Variants in UTP18 observed in about 807,000 individuals in gnomAD.
UTP18 encodes U3 small nucleolar RNA-associated protein 18 homolog.
Under a neutral mutation model 61.1 loss-of-function variants are expected in UTP18, and 36 were observed. The observed-to-expected ratio is 0.59, with a 90% CI of 0.45 to 0.78. The LOEUF (loss-of-function observed/expected upper bound fraction) is 0.78, where lower values mean the gene tolerates loss of function less well. Ranked by LOEUF, UTP18 falls within the 30% of genes least tolerant of loss-of-function variation. The pLI is 0.00. For synonymous variants in UTP18, 282 were observed against 251.1 expected, an observed-to-expected ratio of 1.12 and a Z score of -1.16; for missense variants, 753 against 693.9, an observed-to-expected ratio of 1.09 and a Z score of -0.96.
Position 51,293,966 on chromosome 17 carries a change from C to G in UTP18, c.1567C>G (p.His523Asp). 1 of 1,609,226 alleles carries G rather than the reference C, an allele frequency of 6.2e-7. No homozygotes were observed. The highest frequency in any genetic ancestry group is 8.5e-7 in the Non-Finnish European group (1 of 1,177,592). Residue 523 changes from histidine to aspartate, a missense_variant, in exon 12 of 14, where the codon CAT (histidine) becomes GAT (aspartate). Physicochemically the swap from His to Asp is moderately conservative, Grantham distance 81 (BLOSUM62 -1). Transcript: ENST00000225298. ...AGTCATTAAAAATAAGAATATTTCTCATGTTCATACCATGGATTTTTCTCC... is the reference window on the plus strand; with the variant it reads ...AGTCATTAAAAATAAGAATATTTCTGATGTTCATACCATGGATTTTTCTCC... ...FPVIKNKNIS[H>D]VHTMDFSPRS...
intron 11 of UTP18, 108 bp from the exon 12 acceptor site, chr17:51,293,795 A>G: frequency 1.0e-6 from 1 of 988,094 alleles, no homozygotes. Context: ...TGTGTGCTAC[A>G]ATCAAAATGA....
intron 13 of UTP18, among the ~76,000 whole-genome samples, chr17:51,297,270 T>G (rs1905391929): frequency 6.6e-6 from 1 of 152,188 alleles, no homozygotes; most frequent in Admixed American, 6.5e-5. Context: ...AAAATTGTAA[T>G]TACTGAACAT....
rs112147878 is a variant in UTP18, at chr17:51,278,023, A to T, written c.1012+719A>T. Among the ~76,000 whole-genome samples, 724 of 152,290 alleles carry T rather than the reference A, an allele frequency of 4.8e-3. 7 individuals carry two copies. Among genetic ancestry groups the T allele is most frequent in the African/African-American group, 0.016 (670 of 41,568 alleles). ...CTGTACATGCATGTGGCTGGAAAGGACAAGAGTAGCTCTGTACAACCATTT... is the reference window on the plus strand; with the variant it reads ...CTGTACATGCATGTGGCTGGAAAGGTCAAGAGTAGCTCTGTACAACCATTT... On this transcript the variant is annotated intron_variant, in intron 7 of 13. Transcript: ENST00000225298.
intron 11 of UTP18, among the ~76,000 whole-genome samples, chr17:51,289,997 G>A (rs1905204136): frequency 1.3e-5 from 2 of 152,196 alleles, no homozygotes; most frequent in Admixed American, 6.5e-5. Context: ...CCTAGATTCT[G>A]CACAGGGCTT....
At chr17:51,287,544 T>C (rs1905147975) in intron 10 of UTP18, among the ~76,000 whole-genome samples, 1 of 152,110 alleles carries the variant, frequency 6.6e-6, no homozygotes, top group African/African-American at 2.4e-5. Flanking sequence ...AGTGGAATTG[T>C]CATTGAAGGG....
intron 3 of UTP18, among the ~76,000 whole-genome samples, chr17:51,266,761 T>C (rs1322543032): frequency 6.6e-6 from 1 of 152,248 alleles, no homozygotes; most frequent in East Asian, 1.9e-4. Context: ...CACAATACCA[T>C]TGTCATACCT....
chr17:51,264,527 G>A (rs1012108290), intron 2 of UTP18, among the ~76,000 whole-genome samples: 16 of 151,876 alleles, frequency 1.1e-4, no homozygotes, highest in African/African-American at 3.6e-4. Context: ...CATGCTATGG[G>A]GCTCTACCAG....
At chr17:51,293,828 T>C in intron 11 of UTP18, 75 bp from the exon 12 acceptor site, 1 of 1,256,838 alleles carries the variant, frequency 8.0e-7, no homozygotes. Flanking sequence ...AGCAGGAAGA[T>C]AGAGTGAAGA....
chr17:51,285,551 T>G, intron 10 of UTP18, among the ~76,000 whole-genome samples, 183 bp downstream of exon 10: 1 of 151,728 alleles, frequency 6.6e-6, no homozygotes, highest in African/African-American at 2.4e-5. Context: ...AATAATAATA[T>G]TACAGTAGTT....
intron 2 of UTP18, among the ~76,000 whole-genome samples, chr17:51,263,739 A>AC (rs2055531720): frequency 1.3e-5 from 2 of 152,240 alleles, no homozygotes; most frequent in South Asian, 4.1e-4. Context: ...GATAGTAACT[A>AC]CATCAGAATT....
At chr17:51,282,048 A>G (rs755557323) in intron 9 of UTP18, among the ~76,000 whole-genome samples, 1 of 152,086 alleles carries the variant, frequency 6.6e-6, no homozygotes, top group Non-Finnish European at 1.5e-5. Flanking sequence ...CTTCCCTAAG[A>G]CTTGTTAACT....
intron 9 of UTP18, among the ~76,000 whole-genome samples, chr17:51,281,897 A>C (rs1216385310): frequency 6.6e-6 from 1 of 152,238 alleles, no homozygotes; most frequent in African/African-American, 2.4e-5. Context: ...TTCTTTTTGA[A>C]AGTTACTTAA....
chr17:51,290,859 T>A (rs961085414), intron 11 of UTP18, among the ~76,000 whole-genome samples: 5 of 152,342 alleles, frequency 3.3e-5, no homozygotes, highest in African/African-American at 1.2e-4. Context: ...TAAAAAACAT[T>A]GTTAGCATTG....
At chr17:51,269,996 C>G (rs1026749078) in intron 4 of UTP18, among the ~76,000 whole-genome samples, 2 of 152,064 alleles carry the variant, frequency 1.3e-5, no homozygotes, top group Middle Eastern at 3.2e-3. Context: ...GCTGGGGTTA[C>G]AGGTGTGCGC....
intron 11 of UTP18, among the ~76,000 whole-genome samples, chr17:51,291,312 T>G (rs773892028): frequency 1.3e-5 from 2 of 152,216 alleles, no homozygotes; most frequent in Non-Finnish European, 2.9e-5. Flanking sequence ...ATCATTGGCT[T>G]GAGGGAAGAT....
intron 9 of UTP18, among the ~76,000 whole-genome samples, chr17:51,282,711 G>A (rs1489001762): frequency 2.6e-5 from 4 of 152,148 alleles, no homozygotes; most frequent in African/African-American, 7.2e-5. Flanking sequence ...TACAAATTTG[G>A]TCATGGCTGT....
chr17:51,263,161 C>G, intron 1 of UTP18, 113 bp from the exon 2 acceptor site: 1 of 804,750 alleles, frequency 1.2e-6, no homozygotes, highest in Non-Finnish European at 2.0e-6. Flanking sequence ...CCCATTATTT[C>G]ATCAGAGAGT....
In UTP18 at chr17:51,293,440, C is replaced by T. The variant is rs181763122; in HGVS notation, c.1504-463C>T. Among the ~76,000 whole-genome samples the T allele has an allele frequency of 4.4e-4, 66 of 150,880 alleles. 1 individual carries two copies. In the South Asian group the frequency reaches 9.6e-3, roughly 22 times the overall value. Reference sequence around the variant, plus strand: ...TACATCAATCTTGTCCAACCCACGGCGCAGGACGGTTTGATTGTGGCCCAA... The same window carrying T: ...TACATCAATCTTGTCCAACCCACGGTGCAGGACGGTTTGATTGTGGCCCAA... On this transcript the variant is annotated intron_variant, in intron 11 of 13. Coordinates refer to ENST00000225298, the MANE Select transcript of UTP18 (RefSeq NM_016001.3).
intron 13 of UTP18, 56 bp downstream of exon 13, chr17:51,297,059 T>G: frequency 6.9e-7 from 1 of 1,449,090 alleles, no homozygotes; most frequent in Admixed American, 1.9e-5. Context: ...CCCATTGCTG[T>G]CAGTTGGTGG....
Sources: allele counts gnomAD v4.1 joint callset (sites outside exome capture counted in the v4.1 genomes callset), GRCh38; gene constraint gnomAD v4.1.1; transcripts MANE v1.5; gene names NCBI Gene and HGNC (gene_info 2026-07-23, HGNC 2026-07-21).